The following UTP6 variants were observed in gnomAD, a reference collection of about 807,000 sequenced individuals.
The protein encoded by UTP6 is UTP6 small subunit processome component.
Under a neutral mutation model 96.5 loss-of-function variants are expected in UTP6, and 60 were observed. The ratio of observed to expected loss-of-function variants is 0.62; its 90% CI spans 0.51 to 0.77. UTP6 has a LOEUF of 0.77. Ranked by LOEUF, UTP6 falls within the 30% of genes least tolerant of loss-of-function variation. UTP6 has a pLI of 0.00. For missense variants in UTP6, 637 were observed against 706.5 expected (o/e 0.90, Z 1.12); for synonymous variants, 215 against 240.1 (o/e 0.90, Z 0.96).
At position 31,875,407 on chromosome 17, in the gene UTP6, A is replaced by G. The variant is rs569963907; in HGVS notation, c.1132T>C (p.Ser378Pro). The change falls in exon 14 of 19, where the codon TCG (serine) becomes CCG (proline). Residue 378 changes from serine to proline, a missense_variant. Transcript: ENST00000261708. ...SECQYKQLSV[S>P]LLCYNFLREA... ...CTCAGGAAGTTATAACACAGCAACGAAACACTCTAGACAAGATGAAGGATG... is the reference window on the plus strand; with the variant it reads ...CTCAGGAAGTTATAACACAGCAACGGAACACTCTAGACAAGATGAAGGATG... 1 of 1,614,056 alleles carries G rather than the reference A, an allele frequency of 6.2e-7. No individual in the cohort carries two copies. The highest frequency in any genetic ancestry group is 1.1e-5 in the South Asian group (1 of 91,082).
chr17:31,892,637 T>C, intron 5 of UTP6, 110 bp downstream of exon 5: 3 of 1,349,776 alleles, frequency 2.2e-6, no homozygotes, highest in Non-Finnish European at 3.1e-6. Flanking sequence ...TCTTGGGTTC[T>C]TTTTTCATGT....
At chr17:31,870,064 T>C (rs905070876) in intron 16 of UTP6, among the ~76,000 whole-genome samples, 20 of 152,330 alleles carry the variant, frequency 1.3e-4, no homozygotes, top group African/African-American at 4.8e-4. Context: ...TTGTTTTTTT[T>C]CCAATCAACT....
chr17:31,898,081 A>G (rs1904760526), intron 2 of UTP6, among the ~76,000 whole-genome samples: 1 of 150,136 alleles, frequency 6.7e-6, no homozygotes, highest in Non-Finnish European at 1.5e-5. Context: ...AACCCAGTAG[A>G]AAAAAAAAAG....
chr17:31,894,785 C>A, intron 3 of UTP6, 48 bp from the exon 4 acceptor site: 1 of 1,507,422 alleles, frequency 6.6e-7, no homozygotes, highest in South Asian at 1.2e-5. Flanking sequence ...TCATATTTGT[C>A]CAAAACAGCA....
rs1909602745 is a variant in UTP6, at chr17:31,862,808, G to A, written c.*551C>T. On this transcript the variant is annotated 3_prime_UTR_variant, in exon 19 of 19. Coordinates refer to ENST00000261708, the MANE Select transcript of UTP6 (RefSeq NM_018428.3). ...GCTAGTCTCAAACTCCTGACCTCAG[G>A]TGATCCGCCTGCCTCAGCCTTCCCA... 1 of 152,484 alleles carries A rather than the reference G, an allele frequency of 6.6e-6. No individual in the cohort carries two copies. The highest frequency in any genetic ancestry group is 1.5e-5 in the Non-Finnish European group (1 of 68,342). 9.4% of individuals were successfully genotyped at this position (152,484 alleles called of 1,614,324 possible). A position where few individuals can be genotyped will look rare whatever the true frequency, so the allele number is the denominator to read the frequency against.
In UTP6 at chr17:31,875,200, A is replaced by G. The variant is rs183983028; in HGVS notation, c.1305+34T>C. 39 of 1,610,032 alleles carry G rather than the reference A, an allele frequency of 2.4e-5. No homozygotes were observed. The East Asian group carries it at 8.3e-4, about 34-fold the overall frequency. ...TTGGCTAGTCTTAAAAGGTTTCCCA[A>G]ATATAATGAATACAAAAGATCCAGC... On this transcript the variant is annotated intron_variant, in intron 14 of 18. Transcript: ENST00000261708.
chr17:31,873,229 G>A (rs1910290981), intron 16 of UTP6, 149 bp downstream of exon 16: 2 of 677,912 alleles, frequency 3.0e-6, no homozygotes, highest in Non-Finnish European at 4.9e-6. Context: ...ACTCCAGCCT[G>A]GGCAACAGAG....
chr17:31,894,820 C>A, intron 3 of UTP6, 83 bp from the exon 4 acceptor site: 1 of 1,328,530 alleles, frequency 7.5e-7, no homozygotes, highest in Non-Finnish European at 1.1e-6. Context: ...CTTAATGGTA[C>A]TGATGAAGCA....
chr17:31,894,292 A>C (rs2142322837), intron 4 of UTP6, among the ~76,000 whole-genome samples: 1 of 151,578 alleles, frequency 6.6e-6, no homozygotes, highest in East Asian at 1.9e-4. Context: ...AAAGAAAAAA[A>C]AAAAAATCAA....
chr17:31,867,943 G>T, intron 17 of UTP6, 103 bp downstream of exon 17: 3 of 1,119,588 alleles, frequency 2.7e-6, no homozygotes, highest in East Asian at 2.9e-5. Context: ...GCAACAGAGC[G>T]AGACTCTGCC....
chr17:31,897,009 G>A (rs1041011727), intron 2 of UTP6, among the ~76,000 whole-genome samples: 1 of 151,930 alleles, frequency 6.6e-6, no homozygotes, highest in Non-Finnish European at 1.5e-5. Context: ...CTTTTGGCTG[G>A]GCACACTGGC....
chr17:31,892,792 G>A lies in UTP6; in HGVS notation c.315C>T (p.Asp105=), dbSNP rs144023831. 2.4e-5 allele frequency: 39 copies of A among 1,613,986 alleles called. 1 individual carries two copies. The Middle Eastern group carries it at 4.9e-4, about 20-fold the overall frequency. The change falls in exon 5 of 19, where the codon GAC becomes GAT. Residue 105 remains aspartate, a splice_region_variant and synonymous_variant. Transcript: ENST00000261708. The stretch of plus-strand genomic sequence containing the variant: ...CATAGGAGAGCCAAAGTTGAACATC[G>A]TCCTGCAAGAAAAGCAATGTAGTAA... ...VFQRASAKWK[D]DVQLWLSYVA...
chr17:31,894,215 AC>A (rs1266094416), intron 4 of UTP6, among the ~76,000 whole-genome samples: 3 of 150,404 alleles, frequency 2.0e-5, no homozygotes, highest in Non-Finnish European at 4.4e-5. Flanking sequence ...GTTACAGTGA[AC>A]CGAGATCACC....
intron 2 of UTP6, among the ~76,000 whole-genome samples, chr17:31,896,594 G>C (rs1313215028): frequency 1.3e-5 from 2 of 151,472 alleles, no homozygotes; most frequent in African/African-American, 4.9e-5. Context: ...CTCACATTTT[G>C]TGGCTTGTAT....
chr17:31,899,592 C>A, intron 2 of UTP6, 54 bp downstream of exon 2: 1 of 1,393,862 alleles, frequency 7.2e-7, no homozygotes, highest in Admixed American at 2.2e-5. Flanking sequence ...GAGATGCCAT[C>A]TCACCAAAAA....
chr17:31,870,955 A>C (rs1910132132), intron 16 of UTP6, among the ~76,000 whole-genome samples: 1 of 150,150 alleles, frequency 6.7e-6, no homozygotes, highest in South Asian at 2.1e-4. Flanking sequence ...AGCTAAAATC[A>C]CAGGCACATG....
rs1909618937 is a variant in UTP6 at position 31,863,158 on chromosome 17, G to C, written c.*201C>G. 1.8e-6 allele frequency: 1 copy of C among 569,220 alleles called. No individual in the cohort carries two copies. The highest frequency in any genetic ancestry group is 1.9e-5 in the African/African-American group (1 of 53,310). The allele number at this position is 569,220 out of a possible 1,614,324, so 35.3% of individuals were successfully genotyped here. A position where few individuals can be genotyped will look rare whatever the true frequency, so the allele number is the denominator to read the frequency against. On this transcript the variant is annotated 3_prime_UTR_variant, in exon 19 of 19. Coordinates refer to ENST00000261708, the MANE Select transcript of UTP6 (RefSeq NM_018428.3). ...GAGTTCAAGACCAGCCAGGGCAACA[G>C]AGCAAGACCCAGTCTCAATCATAAA...
intron 10 of UTP6, among the ~76,000 whole-genome samples, chr17:31,881,191 TCCCAACAGG>T (rs1910816853): frequency 6.6e-6 from 1 of 151,072 alleles, no homozygotes; most frequent in African/African-American, 2.4e-5. Flanking sequence ...AAAATATATT[TCCCAACAGG>T]CTCTCCAGAA....
intron 16 of UTP6, 158 bp downstream of exon 16, chr17:31,873,220 C>T (rs1332361889): frequency 2.6e-5 from 17 of 642,726 alleles, no homozygotes; most frequent in Non-Finnish European, 4.4e-5. Flanking sequence ...TGCCACTGCA[C>T]TCCAGCCTGG....
Sources: gnomAD v4.1 joint callset for allele counts (sites outside exome capture counted in the v4.1 genomes callset) on GRCh38, gnomAD v4.1.1 for gene constraint, MANE v1.5 for transcripts, NCBI Gene and HGNC (gene_info 2026-07-23, HGNC 2026-07-21) for gene names.